CLCN3: variants seen among roughly 807,000 people sequenced by gnomAD.
The protein encoded by CLCN3 is Cl-/H+ antiporter 3, also known as H(+)/Cl(-) exchange transporter 3.
In CLCN3, 16 loss-of-function variants were observed where a neutral mutation model predicts 83.4. The ratio of observed to expected loss-of-function variants is 0.19; its 90% CI spans 0.13 to 0.29. The LOEUF is 0.29. Ranked by LOEUF, CLCN3 falls within the 10% of genes least tolerant of loss-of-function variation. The pLI is 1.00. For missense variants in CLCN3, 544 were observed against 1,006.0 expected, an observed-to-expected ratio of 0.54 and a Z score of 6.21; for synonymous variants, 322 against 346.2, an observed-to-expected ratio of 0.93 and a Z score of 0.78.
chr4:169,688,513 T>C (rs1050477727), intron 4 of CLCN3, among the ~76,000 whole-genome samples: 14 of 152,350 alleles, frequency 9.2e-5, no homozygotes, highest in African/African-American at 3.4e-4. Flanking sequence ...CCTCTGTGTA[T>C]GTAACCCACT....
At chr4:169,700,202 T>C (rs1223197769) in intron 9 of CLCN3, among the ~76,000 whole-genome samples, 4 of 152,188 alleles carry the variant, frequency 2.6e-5, no homozygotes. Context: ...CATGCCATCA[T>C]TTTGTGTTTG....
At chr4:169,648,818 G>A (rs1730648899) in intron 2 of CLCN3, among the ~76,000 whole-genome samples, 1 of 152,122 alleles carries the variant, frequency 6.6e-6, no homozygotes, top group Admixed American at 6.6e-5. Flanking sequence ...CTTAAAGCCA[G>A]GAGTTCGAGA....
Position 169,708,655 on chromosome 4 carries a change from A to G in CLCN3, c.2149+1389A>G, listed in dbSNP as rs577986475. 7.0e-4 allele frequency among the ~76,000 whole-genome samples: 106 copies of G among 152,324 alleles called. 1 individual carries two copies. The highest frequency in any genetic ancestry group is 2.5e-3 in the African/African-American group (103 of 41,584). ...GAAATTTAAGGGGAAAAGGCCAGGC[A>G]TGTTTTTAAAGTGTGGAAATTAAGA... On this transcript the variant is annotated intron_variant, in intron 11 of 12. Transcript: ENST00000513761.
At chr4:169,665,739 G>A (rs1281448128) in intron 2 of CLCN3, among the ~76,000 whole-genome samples, 1 of 152,164 alleles carries the variant, frequency 6.6e-6, no homozygotes. Flanking sequence ...TATGTTTTAT[G>A]TGTGTCTTAT....
intron 11 of CLCN3, 40 bp from the exon 12 acceptor site, chr4:169,713,039 T>G (rs1216654090): frequency 1.4e-6 from 2 of 1,474,312 alleles, no homozygotes; most frequent in Non-Finnish European, 1.9e-6. Context: ...CTTAAAAATC[T>G]ATCAGTTTAA....
chr4:169,699,957 CAAGTT>C (rs1732715090), intron 9 of CLCN3, among the ~76,000 whole-genome samples: 1 of 152,032 alleles, frequency 6.6e-6, no homozygotes, highest in Non-Finnish European at 1.5e-5. Context: ...CTTAGGGAAT[CAAGTT>C]AAAAGAGCTG....
intron 2 of CLCN3, among the ~76,000 whole-genome samples, chr4:169,653,640 C>CAAAAAAAA (rs70964215): frequency 2.7e-5 from 2 of 73,574 alleles, no homozygotes; most frequent in African/African-American, 6.1e-5. Flanking sequence ...GACTCCGTCT[C>CAAAAAAAA]AAAAAAAAAA....
intron 2 of CLCN3, among the ~76,000 whole-genome samples, chr4:169,646,301 A>G (rs1402383122): frequency 6.6e-6 from 1 of 152,010 alleles, no homozygotes; most frequent in Non-Finnish European, 1.5e-5. Flanking sequence ...ATTATTTTTG[A>G]GACAGAGTCT....
chr4:169,663,314 TTTGTTG>T (rs71590022), intron 2 of CLCN3, among the ~76,000 whole-genome samples: 94,546 of 130,840 alleles, frequency 0.72, 33,696 homozygotes, highest in East Asian at 0.83. Flanking sequence ...AGTGGGTTTT[TTTGTTG>T]TTGTTGTTGT....
rs765190570 is a variant in CLCN3 at position 169,707,049 on chromosome 4, A to C, written c.1932A>C (p.Ala644=). ...IRLNGYPFLD[A]KEEFTHTTLA... is the part of the protein sequence containing the mutation. ...TAAATGGATACCCTTTCTTGGATGC[A>C]AAAGAAGAATTCACTCATACCACCC... Residue 644 remains alanine, a synonymous_variant, in exon 11 of 13, where the codon GCA becomes GCC. Coordinates refer to ENST00000513761, the MANE Select transcript of CLCN3 (RefSeq NM_001829.4). The C allele has an allele frequency of 4.3e-6, 7 of 1,614,160 alleles. No homozygotes were observed. In the Admixed American group the frequency reaches 8.3e-5, roughly 19 times the overall value.
At chr4:169,648,504 T>G (rs1730639477) in intron 2 of CLCN3, among the ~76,000 whole-genome samples, 1 of 152,186 alleles carries the variant, frequency 6.6e-6, no homozygotes, top group African/African-American at 2.4e-5. Context: ...CAGAGATAAC[T>G]GATTATTTGG....
intron 7 of CLCN3, among the ~76,000 whole-genome samples, chr4:169,694,223 G>C (rs554503274): frequency 1.3e-5 from 2 of 152,058 alleles, no homozygotes; most frequent in Non-Finnish European, 2.9e-5. Context: ...CTTTTATAAA[G>C]TATTTACTGG....
intron 10 of CLCN3, 31 bp downstream of exon 10, chr4:169,704,215 T>C: frequency 6.3e-7 from 1 of 1,588,412 alleles, no homozygotes; most frequent in Non-Finnish European, 8.6e-7. Context: ...TGTGTGTGGA[T>C]GTTTGCAAGT....
At chr4:169,681,125 T>C (rs1731920436) in intron 3 of CLCN3, among the ~76,000 whole-genome samples, 1 of 152,232 alleles carries the variant, frequency 6.6e-6, no homozygotes, top group African/African-American at 2.4e-5. Flanking sequence ...CTTGGCTCAC[T>C]GCAACCTCTG....
At chr4:169,656,352 G>C (rs1252146056) in intron 2 of CLCN3, among the ~76,000 whole-genome samples, 1 of 152,142 alleles carries the variant, frequency 6.6e-6, no homozygotes, top group Non-Finnish European at 1.5e-5. Context: ...GTCTTACATG[G>C]CCAGAGCAAA....
chr4:169,701,912 G>A (rs977801866), intron 9 of CLCN3, among the ~76,000 whole-genome samples: 4 of 152,112 alleles, frequency 2.6e-5, no homozygotes, highest in African/African-American at 9.7e-5. Context: ...TAGCACTTGG[G>A]AGGGGAGTGT....
intron 2 of CLCN3, among the ~76,000 whole-genome samples, chr4:169,651,309 G>C (rs1171131907): frequency 6.6e-6 from 1 of 152,102 alleles, no homozygotes; most frequent in East Asian, 1.9e-4. Context: ...CCTATGAACT[G>C]TCCTTGGGAG....
intron 2 of CLCN3, among the ~76,000 whole-genome samples, chr4:169,647,548 T>C (rs1730610817): frequency 6.6e-6 from 1 of 151,946 alleles, no homozygotes; most frequent in African/African-American, 2.4e-5. Context: ...AAACAAAGGA[T>C]GGGGGCACAT....
intron 1 of CLCN3, among the ~76,000 whole-genome samples, chr4:169,624,379 C>A (rs1201090102): frequency 2.0e-5 from 3 of 152,122 alleles, no homozygotes; most frequent in African/African-American, 7.2e-5. Flanking sequence ...GGTGATCGAC[C>A]CGCCTCGGCC....
Sources: gnomAD v4.1 joint callset for allele counts (sites outside exome capture counted in the v4.1 genomes callset) on GRCh38, gnomAD v4.1.1 for gene constraint, MANE v1.5 for transcripts, NCBI Gene and HGNC (gene_info 2026-07-23, HGNC 2026-07-21) for gene names.